Variants in TTN observed in about 807,000 individuals in gnomAD.
TTN encodes titin, also known as connectin.
Under a neutral mutation model 3,223.0 loss-of-function variants are expected in TTN, and 1,525 were observed. That is an observed-to-expected ratio of 0.47 (90% confidence interval 0.45 to 0.49). TTN has a LOEUF of 0.49. Ranked by LOEUF, TTN falls within the 20% of genes least tolerant of loss-of-function variation. The pLI, the probability that TTN is intolerant of heterozygous loss-of-function variation, is 0.00. For synonymous variants in TTN, 14,094 were observed against 15,161.0 expected (o/e 0.93, Z 5.17); for missense variants, 40,786 against 43,424.0 (o/e 0.94, Z 5.40).
At chr2:178,762,452 C>G (rs2089460855) in intron 43 of TTN, among the ~76,000 whole-genome samples, 1 of 152,030 alleles carries the variant, frequency 6.6e-6, no homozygotes, top group African/African-American at 2.4e-5. Context: ...TTGTAGAGTG[C>G]TTCAGGTGTA....
rs369369465 is a variant in TTN, at chr2:178,671,930, C to A, written c.35227+41G>T. 4.3e-5 allele frequency: 67 copies of A among 1,565,264 alleles called. No individual in the cohort carries two copies. In the African/African-American group the frequency reaches 8.6e-4, roughly 20 times the overall value. On this transcript the variant is annotated intron_variant, in intron 155 of 362. Transcript: ENST00000589042. The stretch of plus-strand genomic sequence containing the variant: ...ATTTACTTTCAAAGGAAAGTTAGAG[C>A]AAGATATAAGAATTTGTAGTATTTG...
At chr2:178,797,420 C>G (rs779976973) in intron 6 of TTN, among the ~76,000 whole-genome samples, 1 of 151,656 alleles carries the variant, frequency 6.6e-6, no homozygotes, top group Non-Finnish European at 1.5e-5. Flanking sequence ...ATGTTAAATA[C>G]TTTTTTGTAT....
At chr2:178,603,741 T>G (rs768833237) in intron 282 of TTN, 135 bp downstream of exon 282, 1 of 858,758 alleles carries the variant, frequency 1.2e-6, no homozygotes, top group Non-Finnish European at 1.7e-6. Context: ...CGATAGTCTA[T>G]GTGAACATGA....
Position 178,570,422 on chromosome 2 carries a change from A to T in TTN, c.75710T>A (p.Ile25237Asn), listed in dbSNP as rs756017651. The change falls in exon 326 of 363, where the codon ATC becomes AAC. Residue 25237 changes from isoleucine (I) to asparagine (N), a missense_variant. Coordinates refer to ENST00000589042, the MANE Select transcript of TTN (RefSeq NM_001267550.2). ...TCTCCTTTCCACAATATAATTTATG[A>T]TGTCACTCCCACCATCCTGAAGTGG... is the stretch of plus-strand genomic sequence containing the variant. ...KPPLQDGGSDIINYIVERRET... is the reference protein window; with the variant it reads ...KPPLQDGGSDNINYIVERRET... The T allele has an allele frequency of 2.5e-6, 4 of 1,613,128 alleles. No individual in the cohort carries two copies. The highest frequency in any genetic ancestry group is 2.2e-5 in the South Asian group (2 of 91,070).
rs763473286 is a variant in TTN, at chr2:178,572,166, G to T, written c.73966C>A (p.Gln24656Lys). The change falls in exon 326 of 363, where the codon CAG (glutamine) becomes AAG (lysine). Residue 24656 changes from glutamine to lysine, a missense_variant. Physicochemically the swap from Gln to Lys is moderately conservative, Grantham distance 53. Transcript: ENST00000589042. ...SRILGYIVEM[Q>K]TKGSDKWATC... is the part of the protein sequence containing the mutation. ...GCCCATTTGTCACTGCCTTTGGTCT[G>T]CATCTCCACAATGTAGCCTAGAATT... The T allele has an allele frequency of 6.2e-7, 1 of 1,613,378 alleles. No homozygotes were observed. The highest frequency in any genetic ancestry group is 2.2e-5 in the East Asian group (1 of 44,728).
At chr2:178,785,800 G>T (rs1417480492) in intron 14 of TTN, 48 bp downstream of exon 14, 5 of 1,614,092 alleles carry the variant, frequency 3.1e-6, no homozygotes, top group Non-Finnish European at 4.2e-6. Context: ...CAGCAGTGAG[G>T]CTTGCTTTAC....
rs769664554 is a variant in TTN, at chr2:178,560,865, G to T, written c.85267C>A (p.Arg28423=). 1.2e-6 allele frequency: 2 copies of T among 1,613,618 alleles called. No individual in the cohort carries two copies. Among genetic ancestry groups the T allele is most frequent in the Admixed American group, 3.3e-5 (2 of 59,986 alleles). Residue 28423 remains arginine, a synonymous_variant, in exon 326 of 363, where the codon CGA becomes AGA. Transcript: ENST00000589042. The stretch of plus-strand genomic sequence containing the variant: ...GTTAGTACATATTGCCCAGTGTCTC[G>T]TCTTATACAGTCTTTAACTGTTAAC... The part of the protein sequence containing the change: ...TLLTVKDCIR[R]DTGQYVLTLK...
At position 178,768,882 on chromosome 2, in the gene TTN, G is replaced by C. The variant is rs1553992057; in HGVS notation, c.8954C>G (p.Thr2985Ser). 1.2e-6 allele frequency: 2 copies of C among 1,613,844 alleles called. No homozygotes were observed. Among genetic ancestry groups the C allele is most frequent in the Admixed American group, 1.7e-5 (1 of 59,978 alleles). ...LKDINAEEKD[T>S]ITFEVTVNYE... ...GTTCACTGTCACCTCAAAAGTAATA[G>C]TGTCTTTTTCTTCAGCGTTGATGTC... The change falls in exon 38 of 363, where the codon ACT (threonine) becomes AGT (serine). Residue 2985 changes from threonine (T) to serine (S), a missense_variant. Coordinates refer to ENST00000589042, the MANE Select transcript of TTN (RefSeq NM_001267550.2).
intron 44 of TTN, 52 bp downstream of exon 44, chr2:178,758,929 ATTG>A (rs2088166441): frequency 6.6e-7 from 1 of 1,507,366 alleles, no homozygotes; most frequent in Non-Finnish European, 9.2e-7. Context: ...TGTTACAGAC[ATTG>A]TTAAGATTCG....
At chr2:178,692,685 T>G (rs987283211) in intron 119 of TTN, 105 bp from the exon 120 acceptor site, 1 of 796,420 alleles carries the variant, frequency 1.3e-6, no homozygotes, top group African/African-American at 1.8e-5. Context: ...ACCAACTGAA[T>G]GCAAGAAAAT....
Position 178,541,533 on chromosome 2 carries a change from C to G in TTN, c.97544G>C (p.Gly32515Ala). The G allele has an allele frequency of 6.2e-7, 1 of 1,612,632 alleles. No individual in the cohort carries two copies. Among genetic ancestry groups the G allele is most frequent in the Non-Finnish European group, 8.5e-7 (1 of 1,179,194 alleles). Residue 32515 changes from glycine to alanine, a missense_variant, in exon 350 of 363, where the codon GGC (glycine) becomes GCC (alanine). Transcript: ENST00000589042. ...TGGTGGGTACCAAGTAAGTGTCATG[C>G]CATCACGGGAAACATCAAATATCTG... ...TLQIFDVSRD[G>A]MTLTWYPPED...
Position 178,730,156 on chromosome 2 carries a change from A to G in TTN, c.18244T>C (p.Tyr6082His). The change falls in exon 62 of 363, where the codon TAC (tyrosine) becomes CAC (histidine). Residue 6082 changes from tyrosine (Y) to histidine (H), a missense_variant. Transcript: ENST00000589042. ...FAAKATDSGT[Y>H]ICQLSNDVGT... ...ACATCATTGCTTAGTTGGCAAATGT[A>G]GGTTCCAGAATCGGTAGCTTTGGCT... The G allele has an allele frequency of 6.2e-7, 1 of 1,613,304 alleles. No homozygotes were observed. The highest frequency in any genetic ancestry group is 8.5e-7 in the Non-Finnish European group (1 of 1,179,608).
rs777469823 is a variant in TTN at position 178,556,962 on chromosome 2, AGAT to A, written c.88189_88191del (p.Ile29397del). 59 of 1,613,744 alleles carry A rather than the reference AGAT, an allele frequency of 3.7e-5. No individual in the cohort carries two copies. The highest frequency in any genetic ancestry group is 5.0e-5 in the Non-Finnish European group (59 of 1,179,850). On this transcript the variant is annotated inframe_deletion, in exon 330 of 363. Transcript: ENST00000589042. ...TACTGGGAATTCTGAGTCAAGCCAG[AGAT>A]GATGAATTGAGTTTCAGTAACATTG...
rs369062299 is a variant in TTN, at chr2:178,720,229, A to C, written c.23413T>G (p.Ser7805Ala). The change falls in exon 81 of 363, where the codon TCA (serine) becomes GCA (alanine). Residue 7805 changes from serine to alanine, a missense_variant. Coordinates refer to ENST00000589042, the MANE Select transcript of TTN (RefSeq NM_001267550.2). The part of the protein sequence containing the change: ...PRFVKKLSDT[S>A]TLIGDAVELR... The stretch of plus-strand genomic sequence containing the variant: ...TCAACAGCATCCCCAATAAGGGTTG[A>C]GGTGTCACTTAGCTTTTTCACGAAT... 2 of 1,612,830 alleles carry C rather than the reference A, an allele frequency of 1.2e-6. No homozygotes were observed. Among genetic ancestry groups the C allele is most frequent in the African/African-American group, 2.7e-5 (2 of 74,884 alleles).
At position 178,589,196 on chromosome 2, in the gene TTN, T is replaced by A. The variant is rs2049709327; in HGVS notation, c.62529A>T (p.Val20843=). ...TGCCAGCCGTGTTAGTTGCCGTAAC[T>A]ACATATTTACCCCCATCACTTCGCT... ...KAKRSDGGKY[V]VTATNTAGSF... is the part of the protein sequence containing the mutation. The change falls in exon 304 of 363, where the codon GTA becomes GTT. Residue 20843 remains valine (V), a synonymous_variant. Transcript: ENST00000589042. 1 of 1,613,428 alleles carries A rather than the reference T, an allele frequency of 6.2e-7. No individual in the cohort carries two copies. The highest frequency in any genetic ancestry group is 1.3e-5 in the African/African-American group (1 of 74,906).
chr2:178,645,280 A>G (rs966282500), intron 217 of TTN: 3 of 152,084 alleles, frequency 2.0e-5, no homozygotes, highest in African/African-American at 7.2e-5. Flanking sequence ...GGGAAGTTTA[A>G]TAATAAATGC....
At chr2:178,688,984 G>A (rs887193165) in intron 125 of TTN, 69 bp downstream of exon 125, 7 of 1,465,922 alleles carry the variant, frequency 4.8e-6, no homozygotes, top group Admixed American at 3.7e-5. Flanking sequence ...GAAAAAGCAA[G>A]AATTTAACAC....
chr2:178,732,707 A>C lies in TTN; in HGVS notation c.16354T>G (p.Phe5452Val). 1 of 1,591,960 alleles carries C rather than the reference A, an allele frequency of 6.3e-7. No homozygotes were observed. ...TCCTTTGAGCCGGGTTTAGTTACAA[A>C]ACTGGGTGGTTCTGAAGAAGGGGTA... ...GALIVQEPPS[F>V]VTKPGSKDVL... Residue 5452 changes from phenylalanine to valine, a missense_variant, in exon 56 of 363, where the codon TTT (phenylalanine) becomes GTT (valine). Phe to Val is a conservative substitution (Grantham distance 50). Transcript: ENST00000589042.
chr2:178,603,969 C>T lies in TTN; in HGVS notation c.54718G>A (p.Val18240Ile), dbSNP rs375141729. 5.2e-5 allele frequency: 84 copies of T among 1,612,680 alleles called. No homozygotes were observed. In the African/African-American group the frequency reaches 6.0e-4, roughly 12 times the overall value. ...EFNVPRLLEG[V>I]KYQFRAMAIN... ...GCCATGGCTCTGAACTGGTATTTAA[C>T]GCCTTCAAGCAAACGAGGAACATTA... Residue 18240 changes from valine (V) to isoleucine (I), a missense_variant, in exon 282 of 363, where the codon GTT becomes ATT. Transcript: ENST00000589042.
Sources: allele counts gnomAD v4.1 joint callset (sites outside exome capture counted in the v4.1 genomes callset), GRCh38; gene constraint gnomAD v4.1.1; transcripts MANE v1.5; gene names NCBI Gene and HGNC (gene_info 2026-07-23, HGNC 2026-07-21).